DDAH1: variants seen among roughly 807,000 people sequenced by gnomAD.
DDAH1 encodes the protein N(G),N(G)-dimethylarginine dimethylaminohydrolase 1.
In DDAH1, 19 loss-of-function variants were observed where a neutral mutation model predicts 28.8. The ratio of observed to expected loss-of-function variants is 0.66; its 90% CI spans 0.46 to 0.97. The LOEUF (loss-of-function observed/expected upper bound fraction) is 0.97, where lower values mean the gene tolerates loss of function less well. DDAH1 is among the 50% of genes least tolerant of loss of function. DDAH1 has a pLI of 0.00. For synonymous variants in DDAH1, 153 were observed against 154.4 expected (o/e 0.99, Z 0.07); for missense variants, 326 against 375.9 (o/e 0.87, Z 1.10).
intron 2 of DDAH1, among the ~76,000 whole-genome samples, chr1:85,483,279 C>G (rs1359306083): frequency 3.3e-5 from 5 of 150,856 alleles, no homozygotes; most frequent in Non-Finnish European, 5.9e-5. Flanking sequence ...CTTATTTTGA[C>G]CAACACTCAA....
At chr1:85,518,641 T>A (rs1217629770) in intron 1 of DDAH1, among the ~76,000 whole-genome samples, 35 of 152,182 alleles carry the variant, frequency 2.3e-4, no homozygotes, top group Non-Finnish European at 7.4e-5. Context: ...CTTTAAGGAC[T>A]CAAGTGATTA....
chr1:85,345,488 A>AAACC (rs1235183678), intron 4 of DDAH1, among the ~76,000 whole-genome samples: 3 of 152,200 alleles, frequency 2.0e-5, no homozygotes, highest in Non-Finnish European at 4.4e-5. Flanking sequence ...GCATTTGTTC[A>AAACC]AACCAACCTA....
chr1:85,420,656 C>A (rs1441552524), intron 1 of DDAH1, among the ~76,000 whole-genome samples: 2 of 152,190 alleles, frequency 1.3e-5, no homozygotes, highest in East Asian at 1.9e-4. Context: ...ACTGTGCATA[C>A]CACTGTCAGC....
chr1:85,415,437 G>C (rs926622463), intron 1 of DDAH1, among the ~76,000 whole-genome samples: 6 of 152,164 alleles, frequency 3.9e-5, no homozygotes, highest in Admixed American at 2.0e-4. Context: ...AAATCTGAGA[G>C]AATTTCTAGC....
At chr1:85,410,090 G>A (rs1212489457) in intron 1 of DDAH1, among the ~76,000 whole-genome samples, 2 of 151,860 alleles carry the variant, frequency 1.3e-5, no homozygotes, top group African/African-American at 4.8e-5. Flanking sequence ...AGACCAGCCT[G>A]GGCAACATGG....
chr1:85,325,629 G>C (rs955827543), intron 4 of DDAH1, among the ~76,000 whole-genome samples: 2 of 150,528 alleles, frequency 1.3e-5, no homozygotes, highest in Non-Finnish European at 3.0e-5. Context: ...AAACCTACTT[G>C]GCAGGTCTGT....
Position 85,464,540 on chromosome 1 carries a change from G to T in DDAH1, c.303+203C>A. ...CACATTGAATCGGATCCTCCAGAAGGCTGCCGGCAGCCGGGAGGTGTGAAC... is the reference window on the plus strand; with the variant it reads ...CACATTGAATCGGATCCTCCAGAAGTCTGCCGGCAGCCGGGAGGTGTGAAC... On this transcript the variant is annotated intron_variant, in intron 1 of 5. Coordinates refer to ENST00000284031, the MANE Select transcript of DDAH1 (RefSeq NM_012137.4). This position sits in a 1 kb window ranked among gnomAD's most constrained non-coding sequence, Gnocchi z 4.4. 1 of 1,529,922 alleles carries T rather than the reference G, an allele frequency of 6.5e-7. No individual in the cohort carries two copies. The highest frequency in any genetic ancestry group is 8.7e-7 in the Non-Finnish European group (1 of 1,143,690). 94.8% of individuals were successfully genotyped at this position (1,529,922 alleles called of 1,614,324 possible).
At chr1:85,370,497 GATATA>G (rs1650324244) in intron 1 of DDAH1, among the ~76,000 whole-genome samples, 1 of 152,186 alleles carries the variant, frequency 6.6e-6, no homozygotes, top group Non-Finnish European at 1.5e-5. Flanking sequence ...GGAAGGGAGT[GATATA>G]ATTTAATTTA....
intron 4 of DDAH1, among the ~76,000 whole-genome samples, chr1:85,335,308 TTAAAGA>T (rs1429740375): frequency 6.6e-6 from 1 of 152,192 alleles, no homozygotes; most frequent in Non-Finnish European, 1.5e-5. Flanking sequence ...AATTTTTAAC[TTAAAGA>T]TATAGAGTGG....
chr1:85,320,771 C>A lies in DDAH1; in HGVS notation c.*681G>T, dbSNP rs1331937923. ...GTGTAGTTAACACTGCCCCAGACAG[C>A]AGCTCTGATTTCAGTCACAGTTCTG... is the stretch of plus-strand genomic sequence containing the variant. On this transcript the variant is annotated 3_prime_UTR_variant, in exon 6 of 6. Transcript: ENST00000284031. 3 of 152,272 alleles carry A rather than the reference C, an allele frequency of 2.0e-5. No individual in the cohort carries two copies. Among genetic ancestry groups the A allele is most frequent in the African/African-American group, 7.2e-5 (3 of 41,454 alleles). 9.4% of individuals were successfully genotyped at this position (152,272 alleles called of 1,614,324 possible).
At chr1:85,502,070 G>A (rs1656840171) in intron 1 of DDAH1, among the ~76,000 whole-genome samples, 1 of 152,156 alleles carries the variant, frequency 6.6e-6, no homozygotes, top group Non-Finnish European at 1.5e-5. Flanking sequence ...TGGAATTTAT[G>A]CCAGGTATAA....
At chr1:85,501,739 G>A (rs1656828013) in intron 1 of DDAH1, among the ~76,000 whole-genome samples, 1 of 152,028 alleles carries the variant, frequency 6.6e-6, no homozygotes, top group African/African-American at 2.4e-5. Context: ...TTCAACACTG[G>A]GTGAATTTCA....
chr1:85,565,692 T>C (rs1311217932), intron 1 of DDAH1, among the ~76,000 whole-genome samples: 1 of 152,174 alleles, frequency 6.6e-6, no homozygotes, highest in African/African-American at 2.4e-5. Context: ...GCAAAAATAA[T>C]ACCTAAACAA....
At position 85,372,542 on chromosome 1, in the gene DDAH1, A is replaced by G. The variant is rs144651448; in HGVS notation, c.304-13695T>C. Among the ~76,000 whole-genome samples, 1,090 of 152,240 alleles carry G rather than the reference A, an allele frequency of 7.2e-3. 12 individuals carry two copies. The highest frequency in any genetic ancestry group is 0.025 in the African/African-American group (1,041 of 41,562). On this transcript the variant is annotated intron_variant, in intron 1 of 5. Coordinates refer to ENST00000284031, the MANE Select transcript of DDAH1 (RefSeq NM_012137.4). ...TTTTGCCTTTCCTAAATTACTTTAA[A>G]AAATATGGTAAGCCATATTTTTCTT...
chr1:85,337,405 C>A (rs1648198514), intron 4 of DDAH1, among the ~76,000 whole-genome samples: 2 of 151,966 alleles, frequency 1.3e-5, no homozygotes, highest in Non-Finnish European at 2.9e-5. Flanking sequence ...ATTGAATTAT[C>A]CATTTAAAAC....
chr1:85,326,283 T>C (rs1301150102), intron 4 of DDAH1, among the ~76,000 whole-genome samples: 1 of 152,226 alleles, frequency 6.6e-6, no homozygotes, highest in Non-Finnish European at 1.5e-5. Context: ...GCTTATGCAC[T>C]GTATGAAAGG....
intron 1 of DDAH1, among the ~76,000 whole-genome samples, chr1:85,534,204 CT>C (rs1412051843): frequency 1.4e-4 from 22 of 152,310 alleles, no homozygotes; most frequent in African/African-American, 5.1e-4. Context: ...TCAGAATAGC[CT>C]TTCCATGTCT....
At chr1:85,446,507 G>A (rs1019271150) in intron 1 of DDAH1, among the ~76,000 whole-genome samples, 5 of 152,084 alleles carry the variant, frequency 3.3e-5, no homozygotes, top group Non-Finnish European at 4.4e-5. Flanking sequence ...GTCTACTGGT[G>A]GGCTTTCAGG....
At chr1:85,570,178 C>T (rs1168587603) in intron 1 of DDAH1, among the ~76,000 whole-genome samples, 1 of 152,130 alleles carries the variant, frequency 6.6e-6, no homozygotes, top group African/African-American at 2.4e-5. Context: ...CTGAGCCGCA[C>T]CATAGCAAGT....
Sources: allele counts gnomAD v4.1 joint callset (sites outside exome capture counted in the v4.1 genomes callset), GRCh38; gene constraint gnomAD v4.1.1; non-coding constraint Gnocchi (gnomAD v3.1); transcripts MANE v1.5; gene names NCBI Gene and HGNC (gene_info 2026-07-23, HGNC 2026-07-21).